ENOX1: variants seen among roughly 807,000 people sequenced by gnomAD.
The protein encoded by ENOX1 is candidate growth-related and time keeping constitutive hydroquinone (NADH) oxidase.
A neutral mutation model predicts 82.5 loss-of-function variants in ENOX1; 42 were observed. That is an observed-to-expected ratio of 0.51 (90% CI 0.40 to 0.66). ENOX1 has a LOEUF of 0.66. Ranked by LOEUF, ENOX1 falls within the 30% of genes least tolerant of loss-of-function variation. ENOX1 has a pLI of 0.00. For synonymous variants in ENOX1, 271 were observed against 282.2 expected (o/e 0.96, Z 0.40); for missense variants, 608 against 811.6 (o/e 0.75, Z 3.05).
chr13:43,419,006 C>T (rs766201344), intron 3 of ENOX1, among the ~76,000 whole-genome samples: 4 of 151,996 alleles, frequency 2.6e-5, no homozygotes, highest in Non-Finnish European at 5.9e-5. Context: ...AGTGAAACCC[C>T]GTCTCTACTA....
chr13:43,638,082 G>A (rs2083480678), intron 2 of ENOX1, among the ~76,000 whole-genome samples: 1 of 152,118 alleles, frequency 6.6e-6, no homozygotes, highest in South Asian at 2.1e-4. Context: ...AAGAGGATAT[G>A]GACTAGAAAA....
At chr13:43,663,481 A>C (rs1173557723) in intron 2 of ENOX1, among the ~76,000 whole-genome samples, 1 of 152,136 alleles carries the variant, frequency 6.6e-6, no homozygotes, top group Non-Finnish European at 1.5e-5. Flanking sequence ...ATTCAAATAC[A>C]ATCTTCTCTA....
intron 2 of ENOX1, among the ~76,000 whole-genome samples, chr13:43,495,758 T>TC (rs1458790847): frequency 1.4e-5 from 2 of 143,478 alleles, no homozygotes; most frequent in African/African-American, 5.0e-5. Context: ...CCACTAGTTT[T>TC]CAAAAAAATC....
intron 2 of ENOX1, among the ~76,000 whole-genome samples, chr13:43,582,209 G>C (rs1050998985): frequency 2.0e-5 from 3 of 151,432 alleles, no homozygotes; most frequent in Non-Finnish European, 4.4e-5. Flanking sequence ...TGAGGTCAAG[G>C]AAGAAAAAAA....
At chr13:43,262,386 A>T (rs1002900286) in intron 14 of ENOX1, among the ~76,000 whole-genome samples, 1 of 152,252 alleles carries the variant, frequency 6.6e-6, no homozygotes, top group African/African-American at 2.4e-5. Context: ...ATGATAATGC[A>T]TGAAATTCCT....
At chr13:43,252,298 A>G (rs1466646782) in intron 14 of ENOX1, among the ~76,000 whole-genome samples, 1 of 151,752 alleles carries the variant, frequency 6.6e-6, no homozygotes, top group African/African-American at 2.4e-5. Context: ...TTTTTCTTGG[A>G]AAAAAAAATT....
chr13:43,703,975 C>T (rs2087081052), intron 1 of ENOX1, among the ~76,000 whole-genome samples: 1 of 151,650 alleles, frequency 6.6e-6, no homozygotes, highest in African/African-American at 2.4e-5. Context: ...TAGCAAAGAA[C>T]TAAAAATAAC....
At chr13:43,320,334 T>C (rs775359572) in intron 11 of ENOX1, among the ~76,000 whole-genome samples, 4 of 152,204 alleles carry the variant, frequency 2.6e-5, no homozygotes, top group African/African-American at 4.8e-5. Flanking sequence ...GAACTTGGCA[T>C]ACAACATGCC....
intron 11 of ENOX1, among the ~76,000 whole-genome samples, chr13:43,316,986 G>A (rs1313656470): frequency 6.6e-6 from 1 of 152,232 alleles, no homozygotes; most frequent in African/African-American, 2.4e-5. Flanking sequence ...TCAGTGGTCA[G>A]TGATGGACAC....
chr13:43,314,618 G>T (rs1172906064), intron 11 of ENOX1, among the ~76,000 whole-genome samples: 2 of 152,222 alleles, frequency 1.3e-5, no homozygotes, highest in Non-Finnish European at 2.9e-5. Flanking sequence ...GTGCTAAGAG[G>T]CTGGTAACAG....
rs531010337 is a variant in ENOX1, at chr13:43,303,480, AG to A, written c.1262-4951del. 4.3e-4 allele frequency among the ~76,000 whole-genome samples: 66 copies of A among 152,250 alleles called. No individual in the cohort carries two copies. In the East Asian group the frequency reaches 0.012, roughly 29 times the overall value. On this transcript the variant is annotated intron_variant, in intron 11 of 16. Transcript: ENST00000690772. The stretch of plus-strand genomic sequence containing the variant: ...TGTATAGAGCAGTGTTGCTCCTGAG[AG>A]GTGACTGCCCTAGAGGGTGCCATGT...
At chr13:43,764,507 C>A (rs554190832) in intron 1 of ENOX1, among the ~76,000 whole-genome samples, 2 of 151,924 alleles carry the variant, frequency 1.3e-5, no homozygotes, top group Non-Finnish European at 2.9e-5. Context: ...GTGCAGACAG[C>A]AACATTTACT....
At chr13:43,453,820 A>G (rs2057090315) in intron 3 of ENOX1, among the ~76,000 whole-genome samples, 1 of 152,236 alleles carries the variant, frequency 6.6e-6, no homozygotes, top group Non-Finnish European at 1.5e-5. Context: ...TTGCACTACA[A>G]GCAAAGGAAC....
chr13:43,427,767 T>C (rs1421764360), intron 3 of ENOX1, among the ~76,000 whole-genome samples: 1 of 152,184 alleles, frequency 6.6e-6, no homozygotes, highest in African/African-American at 2.4e-5. Context: ...TGCTATAGCA[T>C]GGCAAATTAG....
At chr13:43,685,506 T>C (rs997418754) in intron 1 of ENOX1, among the ~76,000 whole-genome samples, 40 of 152,122 alleles carry the variant, frequency 2.6e-4, no homozygotes, top group African/African-American at 9.4e-4. Flanking sequence ...CAGTAACCTG[T>C]TCATGGCTTA....
chr13:43,728,199 C>T (rs1466768148), intron 1 of ENOX1, among the ~76,000 whole-genome samples: 1 of 152,184 alleles, frequency 6.6e-6, no homozygotes, highest in African/African-American at 2.4e-5. Flanking sequence ...AACCAGGTCA[C>T]ATTCCCACAA....
rs1385956017 is a variant in ENOX1 at position 43,786,754 on chromosome 13, T to G, written c.-387A>C. 6.6e-6 allele frequency: 1 copy of G among 151,786 alleles called. No individual in the cohort carries two copies. The highest frequency in any genetic ancestry group is 2.4e-5 in the African/African-American group (1 of 41,268). 9.4% of individuals were successfully genotyped at this position (151,786 alleles called of 1,614,324 possible). A position where few individuals can be genotyped will look rare whatever the true frequency, so the allele number is the denominator to read the frequency against. On this transcript the variant is annotated 5_prime_UTR_variant, in exon 1 of 17. Transcript: ENST00000690772. The surrounding 1 kb of genome is among the most constrained non-coding windows in gnomAD (Gnocchi z 6.0). The stretch of plus-strand genomic sequence containing the variant: ...CTCGGCGTCCTCCTCCTCCTTTGCT[T>G]CTCCCGGACTCTGTCCCGGGCACGG...
At chr13:43,385,046 A>G (rs1186742599) in intron 5 of ENOX1, among the ~76,000 whole-genome samples, 2 of 152,210 alleles carry the variant, frequency 1.3e-5, no homozygotes, top group Admixed American at 6.5e-5. Flanking sequence ...TGGAACTGGA[A>G]GGACTGTGGC....
At chr13:43,443,656 G>A (rs2056477397) in intron 3 of ENOX1, among the ~76,000 whole-genome samples, 2 of 152,106 alleles carry the variant, frequency 1.3e-5, no homozygotes, top group African/African-American at 4.8e-5. Flanking sequence ...GGTATATCCC[G>A]GTGGTGGGAA....
Sources: allele counts gnomAD v4.1 joint callset (sites outside exome capture counted in the v4.1 genomes callset), GRCh38; gene constraint gnomAD v4.1.1; non-coding constraint Gnocchi (gnomAD v3.1); transcripts MANE v1.5; gene names NCBI Gene and HGNC (gene_info 2026-07-23, HGNC 2026-07-21).